USP31: variants seen among roughly 807,000 people sequenced by gnomAD.
USP31 encodes the protein ubiquitin specific peptidase 31, also known as ubiquitin carboxyl-terminal hydrolase 31.
In USP31, 44 loss-of-function variants were observed where a neutral mutation model predicts 119.4. That is an observed-to-expected ratio of 0.37 (90% CI 0.29 to 0.47). The LOEUF (loss-of-function observed/expected upper bound fraction) is 0.47. Among genes scored for constraint, USP31 ranks in the 20% least tolerant of loss-of-function variants. The pLI, the probability that USP31 is intolerant of heterozygous loss-of-function variation, is 0.99. For synonymous variants in USP31, 749 were observed against 705.6 expected, an observed-to-expected ratio of 1.06 and a Z score of -0.97; for missense variants, 1,643 against 1,730.2, an observed-to-expected ratio of 0.95 and a Z score of 0.89.
At chr16:23,069,771 G>T (rs1202402353) in intron 15 of USP31, among the ~76,000 whole-genome samples, 155 bp from the exon 16 acceptor site, 1 of 152,200 alleles carries the variant, frequency 6.6e-6, no homozygotes, top group Non-Finnish European at 1.5e-5. Context: ...GTCCCTGTGT[G>T]GCTTTGACTT....
At chr16:23,077,173 T>G (rs1296537108) in intron 13 of USP31, among the ~76,000 whole-genome samples, 1 of 152,226 alleles carries the variant, frequency 6.6e-6, no homozygotes, top group Non-Finnish European at 1.5e-5. Context: ...AGCTTCTTTC[T>G]CTCCTTGAAA....
At chr16:23,072,674 A>C in intron 14 of USP31, 1 of 372,658 alleles carries the variant, frequency 2.7e-6, no homozygotes, top group Non-Finnish European at 4.8e-6. Flanking sequence ...AATATTAATA[A>C]TACACACACA....
In USP31 at chr16:23,068,809, G is replaced by A; in HGVS notation, c.3296C>T (p.Ser1099Leu). The A allele has an allele frequency of 6.4e-7, 1 of 1,557,228 alleles. No homozygotes were observed. Reference protein sequence around the residue: ...SPAPAQPKKESSPKSQDSVSS... With the variant: ...SPAPAQPKKELSPKSQDSVSS... ...CACGGAGTCCTGAGATTTCGGGGAT[G>A]ACTCCTTTTTGGGTTGGGCAGGGGC... The change falls in exon 16 of 16, where the codon TCA becomes TTA. Residue 1099 changes from serine (S) to leucine (L), a missense_variant. Coordinates refer to ENST00000219689, the MANE Select transcript of USP31 (RefSeq NM_020718.4).
chr16:23,129,057 A>G (rs1027030083), intron 1 of USP31, among the ~76,000 whole-genome samples: 6 of 152,192 alleles, frequency 3.9e-5, no homozygotes, highest in Middle Eastern at 3.2e-3. Flanking sequence ...GGTCTTACAT[A>G]TGCCTTTTTT....
chr16:23,125,414 A>G (rs1567244259), intron 1 of USP31, among the ~76,000 whole-genome samples: 1 of 152,192 alleles, frequency 6.6e-6, no homozygotes, highest in Non-Finnish European at 1.5e-5. Flanking sequence ...GGGTGGGGGC[A>G]GCTACAACAG....
chr16:23,078,447 G>C (rs1456468629), intron 13 of USP31, among the ~76,000 whole-genome samples: 1 of 152,030 alleles, frequency 6.6e-6, no homozygotes, highest in Admixed American at 6.5e-5. Context: ...CTGTGCTTCT[G>C]AATTTGTGAC....
In USP31 at chr16:23,149,406, G is replaced by A. The variant is rs984064139; in HGVS notation, c.-136C>T. The stretch of plus-strand genomic sequence containing the variant: ...GCCCCACACACCTCAAAGCGCAGCC[G>A]AGCCAGCGAGCGAGCGGCGGCCGGC... On this transcript the variant is annotated 5_prime_UTR_variant, in exon 1 of 16. Coordinates refer to ENST00000219689, the MANE Select transcript of USP31 (RefSeq NM_020718.4). 12 of 962,818 alleles carry A rather than the reference G, an allele frequency of 1.2e-5. No homozygotes were observed. Among genetic ancestry groups the A allele is most frequent in the African/African-American group, 1.8e-5 (1 of 56,264 alleles). 59.6% of individuals were successfully genotyped at this position (962,818 alleles called of 1,614,324 possible).
At chr16:23,139,553 C>G (rs1903293282) in intron 1 of USP31, among the ~76,000 whole-genome samples, 1 of 152,194 alleles carries the variant, frequency 6.6e-6, no homozygotes, top group Admixed American at 6.5e-5. Context: ...TCTGACTGCC[C>G]CTTAAGAGGT....
intron 1 of USP31, among the ~76,000 whole-genome samples, chr16:23,122,701 A>G (rs1340570207): frequency 6.6e-6 from 1 of 152,226 alleles, no homozygotes; most frequent in Non-Finnish European, 1.5e-5. Context: ...GCCAGATGCA[A>G]AAGGCCACAT....
chr16:23,106,140 C>G, intron 4 of USP31, 73 bp downstream of exon 4: 4 of 1,511,578 alleles, frequency 2.6e-6, no homozygotes, highest in Non-Finnish European at 3.7e-6. Context: ...GTAAGAAGAC[C>G]TAATAGGAGC....
Position 23,072,148 on chromosome 16 carries a change from G to A in USP31, c.2385C>T (p.Gly795=). 6.2e-7 allele frequency: 1 copy of A among 1,611,536 alleles called. No homozygotes were observed. The highest frequency in any genetic ancestry group is 8.5e-7 in the Non-Finnish European group (1 of 1,180,022). ...LCEHWVSRLP[G]SKPASVTSAA... Reference sequence around the variant, plus strand: ...CAGAGGTCACGCTGGCTGGCTTGCTGCCCGGGAGCCGGCTCACCCAGTGTT... The same window carrying A: ...CAGAGGTCACGCTGGCTGGCTTGCTACCCGGGAGCCGGCTCACCCAGTGTT... Residue 795 remains glycine (G), a synonymous_variant, in exon 15 of 16, where the codon GGC becomes GGT. Coordinates refer to ENST00000219689, the MANE Select transcript of USP31 (RefSeq NM_020718.4).
intron 6 of USP31, among the ~76,000 whole-genome samples, chr16:23,101,143 G>A (rs1045422526): frequency 3.3e-5 from 5 of 152,170 alleles, no homozygotes; most frequent in African/African-American, 1.2e-4. Flanking sequence ...TAACTAGACA[G>A]GAGAAAGTTC....
intron 1 of USP31, among the ~76,000 whole-genome samples, chr16:23,124,657 G>GA (rs1401869872): frequency 9.8e-5 from 15 of 152,334 alleles, no homozygotes; most frequent in African/African-American, 3.6e-4. Context: ...ATGAGGCTGA[G>GA]ATGGGTGGAT....
At chr16:23,143,189 T>A (rs1032815361) in intron 1 of USP31, among the ~76,000 whole-genome samples, 1 of 152,268 alleles carries the variant, frequency 6.6e-6, no homozygotes, top group Non-Finnish European at 1.5e-5. Context: ...TTTGTTTCAC[T>A]GCAAATCTGG....
At chr16:23,091,283 T>A (rs1396045194) in intron 6 of USP31, among the ~76,000 whole-genome samples, 2 of 152,216 alleles carry the variant, frequency 1.3e-5, no homozygotes, top group East Asian at 3.9e-4. Flanking sequence ...ATCAGGAGAA[T>A]CTTCCAACTT....
At position 23,147,039 on chromosome 16, in the gene USP31, C is replaced by T. The variant is rs576027865; in HGVS notation, c.633+1599G>A. ...ACAGGCTAACATCAAGCTGAGACTT[C>T]GTCCTGGGCAAGATTAGGATAGGAA... On this transcript the variant is annotated intron_variant, in intron 1 of 15. Transcript: ENST00000219689. Among the ~76,000 whole-genome samples, 5 of 151,186 alleles carry T rather than the reference C, an allele frequency of 3.3e-5. No homozygotes were observed. In the South Asian group the frequency reaches 1.0e-3, roughly 32 times the overall value.
chr16:23,069,249 T>G lies in USP31; in HGVS notation c.2856A>C (p.Glu952Asp), dbSNP rs1383444134. 4 of 1,614,094 alleles carry G rather than the reference T, an allele frequency of 2.5e-6. No individual in the cohort carries two copies. Among genetic ancestry groups the G allele is most frequent in the Non-Finnish European group, 3.4e-6 (4 of 1,179,960 alleles). Residue 952 changes from glutamate (E) to aspartate (D), a missense_variant, in exon 16 of 16, where the codon GAA becomes GAC. By Grantham distance (45) the Glu-to-Asp change is conservative. Transcript: ENST00000219689. ...LAVMEGVFKD[E>D]SDTRRLNSSV... ...TGGAGTTCAATCTGCGGGTGTCCGATTCGTCTTTGAACACGCCTTCCATGA... is the reference window on the plus strand; with the variant it reads ...TGGAGTTCAATCTGCGGGTGTCCGAGTCGTCTTTGAACACGCCTTCCATGA...
chr16:23,102,736 GGAT>G (rs1210106975), intron 5 of USP31, among the ~76,000 whole-genome samples: 2 of 151,968 alleles, frequency 1.3e-5, no homozygotes, highest in Non-Finnish European at 2.9e-5. Flanking sequence ...GAAAAAAAAA[GGAT>G]GATTGAATGT....
At chr16:23,080,466 AT>A (rs1435544729) in intron 12 of USP31, among the ~76,000 whole-genome samples, 1 of 152,156 alleles carries the variant, frequency 6.6e-6, no homozygotes, top group Non-Finnish European at 1.5e-5. Flanking sequence ...TTAAAAAAAA[AT>A]GACAGTATCA....
Sources: allele counts gnomAD v4.1 joint callset (sites outside exome capture counted in the v4.1 genomes callset), GRCh38; gene constraint gnomAD v4.1.1; transcripts MANE v1.5; gene names NCBI Gene and HGNC (gene_info 2026-07-23, HGNC 2026-07-21).